CSMD1: variants seen among roughly 807,000 people sequenced by gnomAD.
The protein encoded by CSMD1 is CUB and Sushi multiple domains 1, also known as CUB and sushi domain-containing protein 1.
A neutral mutation model predicts 417.5 loss-of-function variants in CSMD1; 213 were observed. The ratio of observed to expected loss-of-function variants is 0.51; its 90% CI spans 0.46 to 0.57. The LOEUF is 0.57. Among genes scored for constraint, CSMD1 ranks in the 20% least tolerant of loss-of-function variants. The probability of loss-of-function intolerance (pLI) is 0.00; values close to 1 mark genes in which losing one functional copy is unlikely to be tolerated. For missense variants in CSMD1, 6,923 were observed against 4,529.7 expected (o/e 1.53, Z -15.17); for synonymous variants, 2,862 against 1,736.8 (o/e 1.65, Z -16.11).
chr8:4,208,229 G>T (rs1225674655), intron 3 of CSMD1, among the ~76,000 whole-genome samples: 1 of 152,098 alleles, frequency 6.6e-6, no homozygotes, highest in Non-Finnish European at 1.5e-5. Flanking sequence ...GCTTTGAAAG[G>T]TAACTGCTCC....
intron 1 of CSMD1, among the ~76,000 whole-genome samples, chr8:4,896,917 C>A (rs1804530216): frequency 6.6e-6 from 1 of 152,090 alleles, no homozygotes; most frequent in African/African-American, 2.4e-5. Flanking sequence ...CTTTATTCTT[C>A]CTACCCGCCT....
chr8:4,927,924 C>A (rs1488532847), intron 1 of CSMD1, among the ~76,000 whole-genome samples: 1 of 152,174 alleles, frequency 6.6e-6, no homozygotes, highest in Admixed American at 6.5e-5. Context: ...AGATGAAAAT[C>A]ATTTTCTAAG....
At chr8:4,647,658 A>G (rs1803621745) in intron 1 of CSMD1, among the ~76,000 whole-genome samples, 1 of 151,640 alleles carries the variant, frequency 6.6e-6, no homozygotes, top group Non-Finnish European at 1.5e-5. Context: ...GAGTTAGAAT[A>G]TGTGGTGTTT....
intron 2 of CSMD1, among the ~76,000 whole-genome samples, chr8:4,498,554 C>T (rs993953684): frequency 6.6e-6 from 1 of 152,082 alleles, no homozygotes; most frequent in Admixed American, 6.6e-5. Flanking sequence ...AATGTCCAGA[C>T]TCGTACTGAA....
At chr8:4,196,771 C>G (rs184383835) in intron 3 of CSMD1, among the ~76,000 whole-genome samples, 1 of 152,200 alleles carries the variant, frequency 6.6e-6, no homozygotes, top group African/African-American at 2.4e-5. Flanking sequence ...CTGTAAACCC[C>G]TTTTTCCCAT....
chr8:3,685,442 G>T (rs1385508734), intron 7 of CSMD1, among the ~76,000 whole-genome samples: 2 of 152,138 alleles, frequency 1.3e-5, no homozygotes, highest in Admixed American at 1.3e-4. Context: ...TTACTGCCAA[G>T]GAAGAAGGCT....
chr8:4,313,790 C>T (rs141846401), intron 3 of CSMD1, among the ~76,000 whole-genome samples: 10 of 151,952 alleles, frequency 6.6e-5, no homozygotes, highest in Non-Finnish European at 1.3e-4. Flanking sequence ...CCAAGGCAGG[C>T]GGATCAAAAG....
chr8:3,995,147 A>C (rs1815104181), intron 5 of CSMD1, among the ~76,000 whole-genome samples: 1 of 152,198 alleles, frequency 6.6e-6, no homozygotes. Context: ...TTTAAGATAA[A>C]TCATATTATG....
intron 22 of CSMD1, among the ~76,000 whole-genome samples, chr8:3,346,841 AAATT>A (rs1261512570): frequency 6.6e-6 from 1 of 152,248 alleles, no homozygotes; most frequent in African/African-American, 2.4e-5. Flanking sequence ...ACGTAGATGT[AAATT>A]AATTGAAAAA....
intron 3 of CSMD1, among the ~76,000 whole-genome samples, chr8:4,152,423 A>T (rs1334421280): frequency 6.6e-6 from 1 of 152,158 alleles, no homozygotes; most frequent in African/African-American, 2.4e-5. Context: ...TCACACCTGT[A>T]ATCCCAGCAA....
intron 8 of CSMD1, among the ~76,000 whole-genome samples, chr8:3,611,524 A>T (rs950544351): frequency 6.6e-6 from 1 of 151,016 alleles, no homozygotes; most frequent in East Asian, 2.1e-4. Flanking sequence ...TTTTACTTCA[A>T]GGAAAATGAC....
intron 10 of CSMD1, among the ~76,000 whole-genome samples, chr8:3,547,069 G>C (rs1171584209): frequency 6.6e-6 from 1 of 152,138 alleles, no homozygotes; most frequent in Non-Finnish European, 1.5e-5. Context: ...CTGGAGACCT[G>C]ACTTAGACAG....
intron 3 of CSMD1, among the ~76,000 whole-genome samples, chr8:4,418,788 A>AT (rs35694084): frequency 0.83 from 126,778 of 152,120 alleles, 53,171 homozygotes; most frequent in East Asian, 1. Context: ...AGATTAACTT[A>AT]TTCCTTGATA....
intron 59 of CSMD1, among the ~76,000 whole-genome samples, chr8:2,964,908 C>A (rs1401769097): frequency 6.6e-6 from 1 of 152,186 alleles, no homozygotes; most frequent in Non-Finnish European, 1.5e-5. Context: ...GAAGATGAAA[C>A]CTTCTCCATA....
At chr8:4,199,018 C>T (rs1401673859) in intron 3 of CSMD1, among the ~76,000 whole-genome samples, 1 of 152,090 alleles carries the variant, frequency 6.6e-6, no homozygotes, top group African/African-American at 2.4e-5. Context: ...AGTTCACTTT[C>T]AATCCCCTAT....
At chr8:3,948,942 G>T (rs1209391345) in intron 5 of CSMD1, among the ~76,000 whole-genome samples, 1 of 152,010 alleles carries the variant, frequency 6.6e-6, no homozygotes, top group Non-Finnish European at 1.5e-5. Context: ...TAGAATAACT[G>T]AGGATGGGCT....
rs771231499 is a variant in CSMD1, at chr8:3,396,240, G to A, written c.2547C>T (p.Thr849=). The part of the protein sequence containing the change: ...STGNFMYLLF[T]TDNSRSSIGF... ...CGATGCTGGAGCGGCTGTTGTCAGT[G>A]GTGAACAGCAGGTACATGAAGTTCC... The change falls in exon 17 of 70, where the codon ACC becomes ACT. Residue 849 remains threonine, a synonymous_variant. Transcript: ENST00000635120. The A allele has an allele frequency of 3.8e-6, 6 of 1,575,692 alleles. No individual in the cohort carries two copies. The highest frequency in any genetic ancestry group is 8.6e-7 in the Non-Finnish European group (1 of 1,160,512).
At chr8:4,625,300 T>C (rs972513138) in intron 2 of CSMD1, among the ~76,000 whole-genome samples, 18 of 152,204 alleles carry the variant, frequency 1.2e-4, no homozygotes, top group African/African-American at 3.1e-4. Context: ...AAAAGAGTGA[T>C]GGAAGTTGAG....
chr8:4,137,359 T>G lies in CSMD1; in HGVS notation c.416-105260A>C, dbSNP rs149575405. ...TAACTCAGACATGTTGAATAGAGAA[T>G]GCAAACTTCTTATGCTAAATAGATT... On this transcript the variant is annotated intron_variant, in intron 3 of 69. Transcript: ENST00000635120. Among the ~76,000 whole-genome samples, 3 of 134,504 alleles carry G rather than the reference T, an allele frequency of 2.2e-5. 1 individual carries two copies. The highest frequency in any genetic ancestry group is 5.2e-5 in the Non-Finnish European group (3 of 57,424). The allele number at this position is 134,504 out of a possible 152,430, so 88.2% of individuals were successfully genotyped here.
Sources: allele counts gnomAD v4.1 joint callset (sites outside exome capture counted in the v4.1 genomes callset), GRCh38; gene constraint gnomAD v4.1.1; transcripts MANE v1.5; gene names NCBI Gene and HGNC (gene_info 2026-07-23, HGNC 2026-07-21).